The following MAN2B1 variants were observed in gnomAD, a reference collection of about 807,000 sequenced individuals.
MAN2B1 encodes mannosidase alpha class 2B member 1.
In MAN2B1, 99 loss-of-function variants were observed where a neutral mutation model predicts 127.5. That is an observed-to-expected ratio of 0.78 (90% confidence interval 0.66 to 0.92). The LOEUF (loss-of-function observed/expected upper bound fraction) is 0.92, where lower values mean the gene tolerates loss of function less well. Ranked by LOEUF, MAN2B1 falls within the 40% of genes least tolerant of loss-of-function variation. The pLI is 0.00. For synonymous variants in MAN2B1, 573 were observed against 568.8 expected (o/e 1.01, Z -0.11); for missense variants, 1,304 against 1,384.8 (o/e 0.94, Z 0.93).
chr19:12,656,042 G>A, intron 13 of MAN2B1, 163 bp from the exon 14 acceptor site: 1 of 600,088 alleles, frequency 1.7e-6, no homozygotes, highest in Non-Finnish European at 2.9e-6. Context: ...TGATTGCAGA[G>A]AAGATTCACC....
chr19:12,647,340 G>T lies in MAN2B1; in HGVS notation c.2821-5C>A. On this transcript the variant is annotated splice_region_variant and splice_polypyrimidine_tract_variant and intron_variant, in intron 22 of 23. Transcript: ENST00000456935. This position sits in a 1 kb window ranked among gnomAD's most constrained non-coding sequence, Gnocchi z 4.9. ...GGTGAAGGTGGAGAACAGGTCCTGC[G>T]GGGAAGGGGATGGGCCCAGATGAGT... 1 of 1,613,782 alleles carries T rather than the reference G, an allele frequency of 6.2e-7. No individual in the cohort carries two copies. The highest frequency in any genetic ancestry group is 8.5e-7 in the Non-Finnish European group (1 of 1,179,690).
intron 13 of MAN2B1, 187 bp from the exon 14 acceptor site, chr19:12,656,066 A>G (rs2023947158): frequency 1.8e-6 from 1 of 566,936 alleles, no homozygotes; most frequent in Non-Finnish European, 3.1e-6. Flanking sequence ...TGGAAAAAAA[A>G]ACCCACCGGG....
intron 1 of MAN2B1, 70 bp downstream of exon 1, chr19:12,666,473 C>T: frequency 2.0e-6 from 3 of 1,531,612 alleles, no homozygotes; most frequent in Non-Finnish European, 1.8e-6. Context: ...ACAGACCCAC[C>T]CACACCTCTA....
Position 12,647,202 on chromosome 19 carries a change from A to G in MAN2B1, c.2923+31T>C. ...ACCTGCCGGCCCCAGGTAAGACTCC[A>G]CCCCTTCCCTACCCCTGACCAGGGC... On this transcript the variant is annotated intron_variant, in intron 23 of 23. Coordinates refer to ENST00000456935, the MANE Select transcript of MAN2B1 (RefSeq NM_000528.4). The surrounding 1 kb of genome is among the most constrained non-coding windows in gnomAD (Gnocchi z 4.9). 5.7e-6 allele frequency: 9 copies of G among 1,579,254 alleles called. No individual in the cohort carries two copies. The highest frequency in any genetic ancestry group is 1.1e-5 in the South Asian group (1 of 90,280).
chr19:12,647,253 A>T lies in MAN2B1; in HGVS notation c.2903T>A (p.Leu968His). 6.2e-7 allele frequency: 1 copy of T among 1,613,912 alleles called. No individual in the cohort carries two copies. The highest frequency in any genetic ancestry group is 8.5e-7 in the Non-Finnish European group (1 of 1,179,932). ...ANQLREAASR[L>H]KWTTNTGPTP... Reference sequence around the variant, plus strand: ...CCCACCTGTGTTTGTTGTCCACTTGAGCCTGGAGGCTGCCTCGCGGAGCTG... The same window carrying T: ...CCCACCTGTGTTTGTTGTCCACTTGTGCCTGGAGGCTGCCTCGCGGAGCTG... The change falls in exon 23 of 24, where the codon CTC (leucine) becomes CAC (histidine). Residue 968 changes from leucine (L) to histidine (H), a missense_variant. Transcript: ENST00000456935. The surrounding 1 kb of genome is among the most constrained non-coding windows in gnomAD (Gnocchi z 4.9).
chr19:12,661,229 C>T (rs1385782554), intron 7 of MAN2B1, 31 bp downstream of exon 7: 1 of 1,513,216 alleles, frequency 6.6e-7, no homozygotes, highest in Non-Finnish European at 9.2e-7. Context: ...CGCACATGTG[C>T]ACAAGGGTAC....
At chr19:12,661,038 T>G in intron 7 of MAN2B1, 1 of 468,692 alleles carries the variant, frequency 2.1e-6, no homozygotes, top group Admixed American at 2.8e-5. Flanking sequence ...ATTACAGGCA[T>G]GAGCCATTGC....
Position 12,657,056 on chromosome 19 carries a change from C to A in MAN2B1, c.1420G>T (p.Val474Phe), listed in dbSNP as rs1276104443. 1.3e-6 allele frequency: 2 copies of A among 1,598,714 alleles called. No homozygotes were observed. The highest frequency in any genetic ancestry group is 1.7e-6 in the Non-Finnish European group (2 of 1,170,430). ...CGCGCCAGCGCGTTGCTCAGAAGAA[C>A]CTGCGGAAGAGCGCAAAGGGACCGG... The part of the protein sequence containing the change: ...QLAAGWGPCE[V>F]LLSNALARLR... The change falls in exon 12 of 24, where the codon GTT becomes TTT. Residue 474 changes from valine (V) to phenylalanine (F), a missense_variant and splice_region_variant. Transcript: ENST00000456935.
At chr19:12,658,863 C>T in intron 7 of MAN2B1, 1 of 288,668 alleles carries the variant, frequency 3.5e-6, no homozygotes. Flanking sequence ...AAAAACACAA[C>T]TTTTTTTTTT....
At chr19:12,661,053 G>A (rs960951324) in intron 7 of MAN2B1, 22 of 503,150 alleles carry the variant, frequency 4.4e-5, no homozygotes, top group Middle Eastern at 5.7e-4. Context: ...CATTGCGCCC[G>A]GCCTCATGCT....
chr19:12,665,937 C>A, intron 1 of MAN2B1, 132 bp from the exon 2 acceptor site: 1 of 728,444 alleles, frequency 1.4e-6, no homozygotes, highest in Non-Finnish European at 2.4e-6. Flanking sequence ...AGGCCAGGCC[C>A]TCCCAGGCAG....
rs747901214 is a variant in MAN2B1 at position 12,658,109 on chromosome 19, C to T, written c.1263G>A (p.Leu421=). Residue 421 remains leucine (L), a synonymous_variant, in exon 10 of 24, where the codon CTG becomes CTA. Transcript: ENST00000456935. ...VCNQLEALVG[L]AANVGPYGSG... is the part of the protein sequence containing the mutation. ...AGCCATAGGGTCCCACGTTGGCCGC[C>T]AGGCCCACCAGCGCCTCCAGCTGGT... 2.5e-6 allele frequency: 4 copies of T among 1,613,468 alleles called. No individual in the cohort carries two copies. Among genetic ancestry groups the T allele is most frequent in the East Asian group, 4.5e-5 (2 of 44,876 alleles).
chr19:12,665,084 T>C, intron 3 of MAN2B1, 99 bp from the exon 4 acceptor site: 3 of 1,241,112 alleles, frequency 2.4e-6, no homozygotes, highest in Non-Finnish European at 2.3e-6. Context: ...GTGTACACAT[T>C]TCTGGCGGAA....
At position 12,649,423 on chromosome 19, in the gene MAN2B1, T is replaced by C. The variant is rs1015858658; in HGVS notation, c.2273A>G (p.Asp758Gly). The C allele has an allele frequency of 2.5e-6, 4 of 1,593,960 alleles. No homozygotes were observed. Among genetic ancestry groups the C allele is most frequent in the Non-Finnish European group, 3.4e-6 (4 of 1,170,106 alleles). Residue 758 changes from aspartate (D) to glycine (G), a missense_variant, in exon 19 of 24, where the codon GAT becomes GGT. Physicochemically the swap from Asp to Gly is moderately conservative, Grantham distance 94. Transcript: ENST00000456935. Reference protein sequence around the residue: ...NGREILERRRDYRPTWKLNQT... With the variant: ...NGREILERRRGYRPTWKLNQT... ...GTTCAGTTTCCAGGTGGGTCGATAA[T>C]CCCGCCTGGGGTTGGGGGTGAGCTG... is the stretch of plus-strand genomic sequence containing the variant.
At chr19:12,654,019 C>A (rs1026994223) in intron 14 of MAN2B1, among the ~76,000 whole-genome samples, 1 of 151,792 alleles carries the variant, frequency 6.6e-6, no homozygotes, top group Non-Finnish European at 1.5e-5. Flanking sequence ...GTGCCCACCC[C>A]AGCCTTTTCT....
chr19:12,666,740 A>C lies in MAN2B1; in HGVS notation c.-39T>G, dbSNP rs1226110528. On this transcript the variant is annotated 5_prime_UTR_variant, in exon 1 of 24. Coordinates refer to ENST00000456935, the MANE Select transcript of MAN2B1 (RefSeq NM_000528.4). ...CCTCCTGGGGTTCCCCGGCCCTGGAAAGGCCGGGCAAACGCCCCGCCCCCA... is the reference window on the plus strand; with the variant it reads ...CCTCCTGGGGTTCCCCGGCCCTGGACAGGCCGGGCAAACGCCCCGCCCCCA... The C allele has an allele frequency of 1.3e-6, 2 of 1,537,078 alleles. No homozygotes were observed. Among genetic ancestry groups the C allele is most frequent in the South Asian group, 2.4e-5 (2 of 83,634 alleles).
chr19:12,664,497 G>A (rs2024180290), intron 4 of MAN2B1, among the ~76,000 whole-genome samples: 1 of 152,182 alleles, frequency 6.6e-6, no homozygotes, highest in Non-Finnish European at 1.5e-5. Flanking sequence ...CTTGCCACCC[G>A]GTTTAGGGAG....
chr19:12,658,800 G>C, intron 7 of MAN2B1: 1 of 449,338 alleles, frequency 2.2e-6, no homozygotes, highest in Non-Finnish European at 4.1e-6. Context: ...AAAACTAAGT[G>C]TGACATTATA....
chr19:12,657,729 C>T (rs780082029), intron 10 of MAN2B1, 174 bp from the exon 11 acceptor site: 2 of 669,256 alleles, frequency 3.0e-6, no homozygotes, highest in East Asian at 2.7e-5. Context: ...GAGACCGAGG[C>T]GGGCGGATCA....
Sources: gnomAD v4.1 joint callset for allele counts (sites outside exome capture counted in the v4.1 genomes callset) on GRCh38, gnomAD v4.1.1 for gene constraint, Gnocchi (gnomAD v3.1) non-coding constraint, MANE v1.5 for transcripts, NCBI Gene and HGNC (gene_info 2026-07-23, HGNC 2026-07-21) for gene names.